SERINC5: variants seen among roughly 807,000 people sequenced by gnomAD.
The protein encoded by SERINC5 is chromosome 5 open reading frame 12.
In SERINC5, 41 loss-of-function variants were observed where a neutral mutation model predicts 63.1. That is an observed-to-expected ratio of 0.65 (90% CI 0.51 to 0.84). The LOEUF (loss-of-function observed/expected upper bound fraction) is 0.84, where lower values mean the gene tolerates loss of function less well. SERINC5 is among the 40% of genes least tolerant of loss of function. The pLI, the probability that SERINC5 is intolerant of heterozygous loss-of-function variation, is 0.00. For synonymous variants in SERINC5, 222 were observed against 215.2 expected, an observed-to-expected ratio of 1.03 and a Z score of -0.28; for missense variants, 523 against 573.0, an observed-to-expected ratio of 0.91 and a Z score of 0.89.
At chr5:80,117,822 T>C (rs951542399) in intron 11 of SERINC5, among the ~76,000 whole-genome samples, 9 of 151,966 alleles carry the variant, frequency 5.9e-5, no homozygotes, top group African/African-American at 2.2e-4. Context: ...CAGCATGCCT[T>C]GGCTTGTAGC....
chr5:80,233,576 T>A (rs1341888717), intron 1 of SERINC5, among the ~76,000 whole-genome samples: 1 of 152,168 alleles, frequency 6.6e-6, no homozygotes, highest in Non-Finnish European at 1.5e-5. Flanking sequence ...CCAATGCCAC[T>A]TTAAGAATAA....
At chr5:80,137,010 G>A (rs553273232), downstream of SERINC5, among the ~76,000 whole-genome samples, 3 of 151,642 alleles carry the variant, frequency 2.0e-5, no homozygotes, top group Admixed American at 6.6e-5. Flanking sequence ...TGTGACATGC[G>A]CCTGTAACCC....
At chr5:80,181,602 G>A (rs190093915) in intron 2 of SERINC5, among the ~76,000 whole-genome samples, 4 of 152,288 alleles carry the variant, frequency 2.6e-5, no homozygotes, top group South Asian at 4.1e-4. Flanking sequence ...ACTTCATGAG[G>A]AAATAGCCAA....
intron 8 of SERINC5, chr5:80,158,106 G>C (rs748846676): frequency 6.6e-6 from 1 of 152,194 alleles, no homozygotes; most frequent in Non-Finnish European, 1.5e-5. Flanking sequence ...AAGGCTAAAT[G>C]TGAAAAGGTT....
intron 11 of SERINC5, among the ~76,000 whole-genome samples, chr5:80,127,566 TTTTC>T (rs1267705482): frequency 6.6e-6 from 1 of 152,126 alleles, no homozygotes; most frequent in Non-Finnish European, 1.5e-5. Flanking sequence ...GTCATCTGAG[TTTTC>T]TTTATGTCTG....
intron 11 of SERINC5, among the ~76,000 whole-genome samples, chr5:80,127,205 T>C (rs1470095234): frequency 6.6e-6 from 1 of 152,236 alleles, no homozygotes; most frequent in Non-Finnish European, 1.5e-5. Flanking sequence ...TGGTTTGAGG[T>C]GTCCCTTCTT....
intron 1 of SERINC5, among the ~76,000 whole-genome samples, chr5:80,228,625 T>G (rs1370392583): frequency 2.0e-5 from 3 of 152,014 alleles, no homozygotes; most frequent in Non-Finnish European, 1.5e-5. Flanking sequence ...CCTGCTAGTT[T>G]TTTTATTTTA....
At chr5:80,162,150 G>C (rs560344959) in intron 7 of SERINC5, among the ~76,000 whole-genome samples, 28 of 152,264 alleles carry the variant, frequency 1.8e-4, no homozygotes, top group Admixed American at 5.9e-4. Context: ...GCTTTGAAGT[G>C]TGATTCCTCC....
chr5:80,198,740 C>A (rs867493756), intron 2 of SERINC5: 3 of 983,580 alleles, frequency 3.1e-6, no homozygotes, highest in East Asian at 1.1e-4. Flanking sequence ...CTGTAGGCCA[C>A]GAAACAAGCT....
chr5:80,176,390 G>A (rs1169050231), intron 4 of SERINC5, among the ~76,000 whole-genome samples: 1 of 152,102 alleles, frequency 6.6e-6, no homozygotes, highest in Non-Finnish European at 1.5e-5. Context: ...ACTATATGAA[G>A]GATTATGGCT....
At chr5:80,118,815 G>A (rs971153816) in intron 11 of SERINC5, among the ~76,000 whole-genome samples, 31 of 145,514 alleles carry the variant, frequency 2.1e-4, no homozygotes, top group Non-Finnish European at 1.0e-4. Flanking sequence ...CACCCACCTC[G>A]GCCTCCCAAA....
At chr5:80,130,959 T>C (rs1389014095) in intron 11 of SERINC5, among the ~76,000 whole-genome samples, 2 of 152,192 alleles carry the variant, frequency 1.3e-5, no homozygotes, top group Non-Finnish European at 2.9e-5. Flanking sequence ...TGATAAGTAC[T>C]ATAGAAAACA....
downstream of SERINC5, among the ~76,000 whole-genome samples, chr5:80,138,404 T>C (rs1401930761): frequency 1.3e-5 from 2 of 152,120 alleles, no homozygotes; most frequent in African/African-American, 4.8e-5. Context: ...AAGACCAGCC[T>C]GGCCAACATG....
chr5:80,122,275 G>C (rs911533189), intron 11 of SERINC5, among the ~76,000 whole-genome samples: 1 of 150,680 alleles, frequency 6.6e-6, no homozygotes, highest in Non-Finnish European at 1.5e-5. Context: ...CCATCTGCAG[G>C]CCGATCTGAT....
At chr5:80,170,559 G>A in intron 5 of SERINC5, among the ~76,000 whole-genome samples, 1 of 152,188 alleles carries the variant, frequency 6.6e-6, no homozygotes, top group East Asian at 1.9e-4. Flanking sequence ...GCAGTCCTGA[G>A]ACTCTTTATT....
chr5:80,241,971 TA>T (rs895227492), intron 1 of SERINC5, among the ~76,000 whole-genome samples: 150 of 139,370 alleles, frequency 1.1e-3, no homozygotes, highest in Non-Finnish European at 1.1e-3. Flanking sequence ...AAAAGAGAAT[TA>T]AAAAAAAAAA....
rs190636329 is a variant in SERINC5 at position 80,140,622 on chromosome 5, G to C, written c.*3041C>G. ...TAACCAATCAGTATTTAAAAAGCTA[G>C]ACACAGTAAAGACGTGGTTGGGTTT... On this transcript the variant is annotated 3_prime_UTR_variant, in exon 12 of 12. Transcript: ENST00000507668. 842 of 985,264 alleles carry C rather than the reference G, an allele frequency of 8.5e-4. No homozygotes were observed. The highest frequency in any genetic ancestry group is 2.5e-3 in the Admixed American group (41 of 16,264). 61.0% of individuals were successfully genotyped at this position (985,264 alleles called of 1,614,324 possible).
intron 1 of SERINC5, 122 bp downstream of exon 1, chr5:80,255,774 C>A (rs1046458002): frequency 6.8e-6 from 7 of 1,033,708 alleles, no homozygotes; most frequent in African/African-American, 1.7e-5. Context: ...GCCCGAGCGA[C>A]CCACCCGGGC....
chr5:80,254,033 G>A (rs748699150), intron 1 of SERINC5, among the ~76,000 whole-genome samples: 1 of 152,176 alleles, frequency 6.6e-6, no homozygotes, highest in East Asian at 1.9e-4. Context: ...GGGTTCAAGC[G>A]ATTCTCCTGC....
Sources: allele counts gnomAD v4.1 joint callset (sites outside exome capture counted in the v4.1 genomes callset), GRCh38; gene constraint gnomAD v4.1.1; transcripts MANE v1.5; gene names NCBI Gene and HGNC (gene_info 2026-07-23, HGNC 2026-07-21).